ZFYVE28: variants seen among roughly 807,000 people sequenced by gnomAD.
ZFYVE28 encodes lateral signaling target protein 2 homolog.
In ZFYVE28, 40 loss-of-function variants were observed where a neutral mutation model predicts 82.1. The observed-to-expected ratio is 0.49, with a 90% CI of 0.38 to 0.63. The LOEUF (loss-of-function observed/expected upper bound fraction) is 0.63, where lower values mean the gene tolerates loss of function less well. Among genes scored for constraint, ZFYVE28 ranks in the 30% least tolerant of loss-of-function variants. The pLI is 0.00. For synonymous variants in ZFYVE28, 612 were observed against 546.1 expected (o/e 1.12, Z -1.68); for missense variants, 1,321 against 1,242.1 (o/e 1.06, Z -0.96).
chr4:2,271,129 C>T (rs1241493961), intron 12 of ZFYVE28, 182 bp downstream of exon 12: 5 of 748,828 alleles, frequency 6.7e-6, no homozygotes, highest in Non-Finnish European at 8.5e-6. Context: ...GGGCACCATC[C>T]AGGTTCCCGT....
At chr4:2,327,449 G>T (rs1560209391) in intron 6 of ZFYVE28, among the ~76,000 whole-genome samples, 1 of 151,554 alleles carries the variant, frequency 6.6e-6, no homozygotes, top group African/African-American at 2.4e-5. Flanking sequence ...AGGCATCCTT[G>T]CCTTGTTCCA....
chr4:2,289,798 C>T (rs1352569360), intron 8 of ZFYVE28, among the ~76,000 whole-genome samples: 2 of 152,138 alleles, frequency 1.3e-5, no homozygotes, highest in East Asian at 3.8e-4. Context: ...CTCCAGGACA[C>T]TTGTGGACTT....
intron 2 of ZFYVE28, chr4:2,342,630 CAG>C (rs1257943610): frequency 1.3e-5 from 2 of 152,208 alleles, no homozygotes; most frequent in Non-Finnish European, 1.5e-5. Context: ...TAAAGTATAA[CAG>C]AGTGTTTTGA....
intron 8 of ZFYVE28, 23 bp downstream of exon 8, chr4:2,304,266 C>A (rs764751647): frequency 6.5e-7 from 1 of 1,538,232 alleles, no homozygotes; most frequent in South Asian, 1.2e-5. Context: ...CAAACCCAGT[C>A]TCTGGGCCAG....
At chr4:2,357,713 A>T (rs138087583) in intron 1 of ZFYVE28, among the ~76,000 whole-genome samples, 2,029 of 152,248 alleles carry the variant, frequency 0.013, 19 homozygotes, top group Middle Eastern at 0.034. Context: ...CTGACGAGAC[A>T]CCATCTGGCC....
At chr4:2,377,692 G>A (rs768692370) in intron 1 of ZFYVE28, among the ~76,000 whole-genome samples, 7 of 152,134 alleles carry the variant, frequency 4.6e-5, no homozygotes, top group Admixed American at 2.6e-4. Flanking sequence ...TCCATTTCTC[G>A]TAGTTACTCT....
intron 1 of ZFYVE28, among the ~76,000 whole-genome samples, chr4:2,369,577 A>T (rs1230157848): frequency 6.6e-6 from 1 of 152,050 alleles, no homozygotes; most frequent in Admixed American, 6.6e-5. Flanking sequence ...ACCTGAGACC[A>T]TCCTGGACTC....
chr4:2,371,299 T>C (rs937766353), intron 1 of ZFYVE28, among the ~76,000 whole-genome samples: 2 of 152,240 alleles, frequency 1.3e-5, no homozygotes, highest in Admixed American at 6.5e-5. Flanking sequence ...ACTGTGGTTA[T>C]TGCTGAAATA....
At chr4:2,313,117 G>GT (rs984303342) in intron 7 of ZFYVE28, among the ~76,000 whole-genome samples, 3,018 of 139,624 alleles carry the variant, frequency 0.022, 82 homozygotes, top group African/African-American at 0.066. Flanking sequence ...GTTTTTCCAG[G>GT]TTTTTTTTTT....
At chr4:2,404,329 C>CGCTGAA (rs1186056891) in intron 1 of ZFYVE28, among the ~76,000 whole-genome samples, 1 of 9,424 alleles carries the variant, frequency 1.1e-4, no homozygotes, top group Non-Finnish European at 2.6e-4. Flanking sequence ...AAAAAAAAAA[C>CGCTGAA]GCTGAAGATG....
intron 8 of ZFYVE28, among the ~76,000 whole-genome samples, chr4:2,303,057 G>C (rs773130575): frequency 7.2e-5 from 11 of 152,332 alleles, no homozygotes; most frequent in Middle Eastern, 3.4e-3. Flanking sequence ...CCCATCGATG[G>C]AAAGTGACTG....
At chr4:2,297,006 A>ACAG (rs1338060973) in intron 8 of ZFYVE28, among the ~76,000 whole-genome samples, 1 of 152,242 alleles carries the variant, frequency 6.6e-6, no homozygotes, top group African/African-American at 2.4e-5. Context: ...CACCGAGGCC[A>ACAG]CAGCACCGCA....
intron 8 of ZFYVE28, among the ~76,000 whole-genome samples, chr4:2,299,585 C>A (rs1215274967): frequency 1.5e-4 from 1 of 6,460 alleles, no homozygotes; most frequent in Non-Finnish European, 2.9e-4. Flanking sequence ...CCAGCCTGGG[C>A]AACCAAGGGA....
rs779341433 is a variant in ZFYVE28 at position 2,305,124 on chromosome 4, C to T, written c.1216G>A (p.Val406Met). The change falls in exon 8 of 13, where the codon GTG (valine) becomes ATG (methionine). Residue 406 changes from valine to methionine, a missense_variant. Physicochemically the swap from Val to Met is conservative, Grantham distance 21 (BLOSUM62 1). Transcript: ENST00000290974. ...GCCAGGGCTTCTGCCGTCCCCTCCA[C>T]GTCATCCATGAAGAACACGCGCTCC... ...EEERVFFMDD[V>M]EGTAEALARP... The T allele has an allele frequency of 2.5e-5, 40 of 1,593,280 alleles. No homozygotes were observed. The highest frequency in any genetic ancestry group is 4.0e-5 in the African/African-American group (3 of 74,594).
chr4:2,382,547 A>G (rs779838155), intron 1 of ZFYVE28, among the ~76,000 whole-genome samples: 8 of 152,008 alleles, frequency 5.3e-5, no homozygotes, highest in African/African-American at 1.5e-4. Flanking sequence ...GGGCCCTGTA[A>G]CCCCTTTGTT....
chr4:2,395,875 C>T (rs1472990499), intron 1 of ZFYVE28, among the ~76,000 whole-genome samples: 8 of 152,182 alleles, frequency 5.3e-5, no homozygotes, highest in African/African-American at 1.9e-4. Context: ...GCACTGCTGA[C>T]ACTTGGCGCC....
At chr4:2,323,700 C>A (rs540332485) in intron 6 of ZFYVE28, among the ~76,000 whole-genome samples, 14 of 120,822 alleles carry the variant, frequency 1.2e-4, no homozygotes, top group Admixed American at 1.9e-4. Context: ...CCCCTCCCCC[C>A]ACCCCACAAC....
At chr4:2,344,914 AAAAAC>A (rs1174113732) in intron 2 of ZFYVE28, among the ~76,000 whole-genome samples, 2 of 151,750 alleles carry the variant, frequency 1.3e-5, no homozygotes. Flanking sequence ...AACAAAAAAC[AAAAAC>A]AAAACAAAAC....
chr4:2,352,734 G>A (rs1724664177), intron 2 of ZFYVE28, among the ~76,000 whole-genome samples: 1 of 152,138 alleles, frequency 6.6e-6, no homozygotes, highest in Non-Finnish European at 1.5e-5. Flanking sequence ...ACCTAGCTTG[G>A]CAGCCCCCAC....
Sources: gnomAD v4.1 joint callset for allele counts (sites outside exome capture counted in the v4.1 genomes callset) on GRCh38, gnomAD v4.1.1 for gene constraint, MANE v1.5 for transcripts, NCBI Gene and HGNC (gene_info 2026-07-23, HGNC 2026-07-21) for gene names.